The following SDK1 variants were observed in gnomAD, a reference collection of about 807,000 sequenced individuals.
The protein encoded by SDK1 is protein sidekick-1.
In SDK1, 157 loss-of-function variants were observed where a neutral mutation model predicts 245.5. The ratio of observed to expected loss-of-function variants is 0.64; its 90% CI spans 0.56 to 0.73. The LOEUF (loss-of-function observed/expected upper bound fraction) is 0.73. SDK1 is among the 30% of genes least tolerant of loss of function. SDK1 has a pLI of 0.00. For missense variants in SDK1, 3,583 were observed against 3,002.3 expected (o/e 1.19, Z -4.52); for synonymous variants, 1,647 against 1,278.5 (o/e 1.29, Z -6.15).
chr7:3,931,463 A>G (rs1240236282), intron 5 of SDK1, among the ~76,000 whole-genome samples: 1 of 152,254 alleles, frequency 6.6e-6, no homozygotes, highest in Non-Finnish European at 1.5e-5. Context: ...TATCCTAACC[A>G]ACATCAAGGA....
At chr7:3,754,850 T>C (rs541264556) in intron 4 of SDK1, among the ~76,000 whole-genome samples, 39 of 152,258 alleles carry the variant, frequency 2.6e-4, no homozygotes, top group Non-Finnish European at 3.8e-4. Flanking sequence ...TTCAAAAGTT[T>C]TGGTGGTTTT....
chr7:3,392,835 A>T (rs185524603), intron 1 of SDK1, among the ~76,000 whole-genome samples: 2 of 151,962 alleles, frequency 1.3e-5, no homozygotes, highest in African/African-American at 4.8e-5. Flanking sequence ...GTGTATGCGT[A>T]TATCGCATTT....
At chr7:3,500,492 G>T (rs1402127132) in intron 1 of SDK1, among the ~76,000 whole-genome samples, 1 of 152,068 alleles carries the variant, frequency 6.6e-6, no homozygotes, top group Non-Finnish European at 1.5e-5. Flanking sequence ...TGCTTCCAGT[G>T]TTGCTGTTGA....
At chr7:3,972,991 C>T (rs993215615) in intron 12 of SDK1, among the ~76,000 whole-genome samples, 1 of 152,194 alleles carries the variant, frequency 6.6e-6, no homozygotes, top group Non-Finnish European at 1.5e-5. Flanking sequence ...TGGAGTATGA[C>T]TTCAAGGAAG....
chr7:3,349,973 G>A (rs1482085206), intron 1 of SDK1, among the ~76,000 whole-genome samples: 2 of 152,316 alleles, frequency 1.3e-5, no homozygotes, highest in East Asian at 3.9e-4. Context: ...GGGCAGTGCT[G>A]GACTCTTGAT....
At chr7:3,688,621 A>G (rs980743004) in intron 4 of SDK1, among the ~76,000 whole-genome samples, 1 of 152,232 alleles carries the variant, frequency 6.6e-6, no homozygotes. Flanking sequence ...ATTTCTAGAA[A>G]GTCACTTAGC....
At chr7:3,323,995 G>C (rs532990151) in intron 1 of SDK1, among the ~76,000 whole-genome samples, 1 of 152,162 alleles carries the variant, frequency 6.6e-6, no homozygotes, top group Non-Finnish European at 1.5e-5. Flanking sequence ...ATTCCTCTGT[G>C]TGTTACAAGA....
rs1323265348 is a variant in SDK1 at position 4,199,647 on chromosome 7, A to G, written c.5099-6232A>G. 2.0e-5 allele frequency among the ~76,000 whole-genome samples: 3 copies of G among 152,174 alleles called. No homozygotes were observed. In the East Asian group the frequency reaches 5.8e-4, roughly 29 times the overall value. The stretch of plus-strand genomic sequence containing the variant: ...TCGGTTTGTTAGAATTGCAGCTGCC[A>G]TGTCACAGCAGAGCAGACTAAGGCC... On this transcript the variant is annotated intron_variant, in intron 35 of 44. Transcript: ENST00000404826.
intron 5 of SDK1, among the ~76,000 whole-genome samples, chr7:3,928,317 T>A (rs530544726): frequency 6.6e-6 from 1 of 152,282 alleles, no homozygotes; most frequent in East Asian, 1.9e-4. Context: ...AGTATAAAAT[T>A]CCCCACAGTG....
intron 1 of SDK1, among the ~76,000 whole-genome samples, chr7:3,351,628 G>A (rs1320230450): frequency 2.0e-5 from 3 of 152,020 alleles, no homozygotes; most frequent in Admixed American, 6.6e-5. Flanking sequence ...AAATAAAGCT[G>A]GTATAACATG....
intron 1 of SDK1, among the ~76,000 whole-genome samples, chr7:3,428,176 C>T (rs150309986): frequency 1.8e-4 from 28 of 152,228 alleles, no homozygotes; most frequent in Non-Finnish European, 3.2e-4. Flanking sequence ...AAAGAAGTGA[C>T]GTGATTGGTC....
At chr7:3,647,380 C>T (rs7793515) in intron 4 of SDK1, among the ~76,000 whole-genome samples, 35,139 of 152,126 alleles carry the variant, frequency 0.23, 4,269 homozygotes, top group South Asian at 0.34. Context: ...TCTGGGGCTA[C>T]AGGGCCAGAG....
chr7:3,814,554 C>T (rs1779462173), intron 4 of SDK1, among the ~76,000 whole-genome samples: 1 of 151,636 alleles, frequency 6.6e-6, no homozygotes, highest in Non-Finnish European at 1.5e-5. Flanking sequence ...TGTGATGCCT[C>T]CAGCTTTGTT....
intron 1 of SDK1, among the ~76,000 whole-genome samples, chr7:3,535,207 C>T (rs1778842956): frequency 6.6e-6 from 1 of 151,948 alleles, no homozygotes; most frequent in South Asian, 2.1e-4. Context: ...ACCCAGGAGG[C>T]GGAGGTTGGA....
chr7:4,022,982 C>G (rs372412411), intron 17 of SDK1, among the ~76,000 whole-genome samples: 2 of 152,042 alleles, frequency 1.3e-5, no homozygotes, highest in South Asian at 2.1e-4. Context: ...CGCCGTGTTA[C>G]CCAGGATGGT....
At chr7:3,310,624 T>G (rs774162289) in intron 1 of SDK1, among the ~76,000 whole-genome samples, 13 of 152,112 alleles carry the variant, frequency 8.5e-5, no homozygotes, top group Non-Finnish European at 1.6e-4. Flanking sequence ...AGCATGATCA[T>G]TAGTTTGGTT....
At chr7:3,317,304 C>G (rs1488821675) in intron 1 of SDK1, among the ~76,000 whole-genome samples, 2 of 150,728 alleles carry the variant, frequency 1.3e-5, no homozygotes, top group Non-Finnish European at 2.9e-5. Flanking sequence ...GTTTTTAAGG[C>G]AAGCAAAGGA....
chr7:3,432,460 A>C (rs1486770655), intron 1 of SDK1, among the ~76,000 whole-genome samples: 1 of 152,168 alleles, frequency 6.6e-6, no homozygotes, highest in East Asian at 1.9e-4. Flanking sequence ...AAATATCCTA[A>C]AAGCTAACAT....
chr7:4,229,895 T>G (rs1785642193), intron 40 of SDK1, among the ~76,000 whole-genome samples: 1 of 151,906 alleles, frequency 6.6e-6, no homozygotes, highest in African/African-American at 2.4e-5. Flanking sequence ...TATTATTTAT[T>G]GAAAGCCTGC....
Sources: gnomAD v4.1 joint callset for allele counts (sites outside exome capture counted in the v4.1 genomes callset) on GRCh38, gnomAD v4.1.1 for gene constraint, MANE v1.5 for transcripts, NCBI Gene and HGNC (gene_info 2026-07-23, HGNC 2026-07-21) for gene names.